Variants in PATZ1 observed in about 807,000 individuals in gnomAD.
The protein encoded by PATZ1 is POZ/BTB and AT hook containing zinc finger 1.
Under a neutral mutation model 46.2 loss-of-function variants are expected in PATZ1, and 9 were observed. The observed-to-expected ratio is 0.19, with a 90% confidence interval of 0.12 to 0.34. The LOEUF is 0.34. Ranked by LOEUF, PATZ1 falls within the 10% of genes least tolerant of loss-of-function variation. The pLI is 1.00. For missense variants in PATZ1, 632 were observed against 923.0 expected (o/e 0.68, Z 4.08); for synonymous variants, 426 against 378.6 (o/e 1.13, Z -1.45).
In PATZ1 at chr22:31,328,807, G is replaced by C; in HGVS notation, c.1625C>G (p.Ala542Gly). Residue 542 changes from alanine (A) to glycine (G), a missense_variant, in exon 4 of 5, where the codon GCC (alanine) becomes GGC (glycine). By Grantham distance (60) the Ala-to-Gly change is moderately conservative. Transcript: ENST00000266269. The surrounding 1 kb of genome is among the most constrained non-coding windows in gnomAD (Gnocchi z 4.8). The stretch of plus-strand genomic sequence containing the variant: ...CTTGCCTTTGTTGCCATAGGTCCTG[G>C]CGCAGTGGAACGCTGCTCCCCCATT... ...ILNGGAAFHC[A>G]RTYGNKEGQK... 1 of 1,613,430 alleles carries C rather than the reference G, an allele frequency of 6.2e-7. No individual in the cohort carries two copies. The highest frequency in any genetic ancestry group is 8.5e-7 in the Non-Finnish European group (1 of 1,179,828).
rs1295403404 is a variant in PATZ1, at chr22:31,326,193, G to T, written c.*698C>A. ...AATAACAATAATAATAATAATTAGA[G>T]AATTAAAACCCAACAGCATGTTGAA... On this transcript the variant is annotated 3_prime_UTR_variant, in exon 5 of 5. Transcript: ENST00000266269. 8.9e-6 allele frequency: 2 copies of T among 224,556 alleles called. No homozygotes were observed. The highest frequency in any genetic ancestry group is 6.4e-5 in the East Asian group (1 of 15,564). The allele number at this position is 224,556 out of a possible 1,614,324, so 13.9% of individuals were successfully genotyped here.
Position 31,326,921 on chromosome 22 carries a change from G to A in PATZ1, c.2034C>T (p.Asp678=), listed in dbSNP as rs778881735. The A allele has an allele frequency of 6.2e-7, 1 of 1,613,856 alleles. No individual in the cohort carries two copies. The highest frequency in any genetic ancestry group is 2.2e-5 in the East Asian group (1 of 44,862). ...TCCCTTCAGGCCCCATGGGCTGCTG[G>A]TCAACCTCAGGATCTACTAAAGATG... ...FASSLVDPEV[D]QQPMGPEGK is the part of the protein sequence containing the mutation. The change falls in exon 5 of 5, where the codon GAC becomes GAT. Residue 678 remains aspartate, a synonymous_variant. Coordinates refer to ENST00000266269, the MANE Select transcript of PATZ1 (RefSeq NM_014323.3).
chr22:31,341,768 C>A (rs149455862), intron 2 of PATZ1: 28 of 1,216,300 alleles, frequency 2.3e-5, no homozygotes, highest in Middle Eastern at 2.0e-4. Flanking sequence ...CTACTCTGCC[C>A]GGGCTAATCA....
At chr22:31,343,853 G>A (rs1458373731) in intron 1 of PATZ1, among the ~76,000 whole-genome samples, 1 of 152,208 alleles carries the variant, frequency 6.6e-6, no homozygotes, top group Non-Finnish European at 1.5e-5. Flanking sequence ...AGGCACAGCT[G>A]GAGTCTACTG....
intron 2 of PATZ1, 81 bp downstream of exon 2, chr22:31,342,809 CCGGCACA>C (rs2049599449): frequency 6.1e-6 from 9 of 1,467,410 alleles, no homozygotes; most frequent in Non-Finnish European, 8.5e-6. Flanking sequence ...AGCCGGGCCC[CCGGCACA>C]CGCAGCGGCT....
rs528001414 is a variant in PATZ1 at position 31,328,996 on chromosome 22, C to T, written c.1508-72G>A. ...CCTCTCTCCTTCCCCCAACTCCTCT[C>T]CTCTGGCCGCTCTGGCTAGCATTCC... is the stretch of plus-strand genomic sequence containing the variant. On this transcript the variant is annotated intron_variant, in intron 3 of 4. Coordinates refer to ENST00000266269, the MANE Select transcript of PATZ1 (RefSeq NM_014323.3). This position sits in a 1 kb window ranked among gnomAD's most constrained non-coding sequence, Gnocchi z 4.8. The T allele has an allele frequency of 4.0e-6, 6 of 1,481,642 alleles. No individual in the cohort carries two copies. The Admixed American group carries it at 1.1e-4, about 26-fold the overall frequency. The allele number at this position is 1,481,642 out of a possible 1,614,324, so 91.8% of individuals were successfully genotyped here.
rs754454364 is a variant in PATZ1 at position 31,345,273 on chromosome 22, G to A, written c.330C>T (p.Ser110=). The A allele has an allele frequency of 7.4e-6, 12 of 1,612,730 alleles. No individual in the cohort carries two copies. In the African/African-American group the frequency reaches 8.0e-5, roughly 11 times the overall value. ...GSRELEMHTI[S]SKVFGDILDF... ...CCAGAATGTCCCCAAATACCTTGGA[G>A]CTGATAGTGTGCATCTCCAGCTCCC... is the stretch of plus-strand genomic sequence containing the variant. Residue 110 remains serine, a synonymous_variant, in exon 1 of 5, where the codon AGC becomes AGT. Transcript: ENST00000266269. The surrounding 1 kb of genome is among the most constrained non-coding windows in gnomAD (Gnocchi z 7.4).
In PATZ1 at chr22:31,327,335, G is replaced by A; in HGVS notation, c.1646-26C>T. ...CTACGAAAAAACAAAATATAGGAGA[G>A]CGATGAGGCCAGGCTCTGGAGATGC... On this transcript the variant is annotated intron_variant, in intron 4 of 4. Transcript: ENST00000266269. This position sits in a 1 kb window ranked among gnomAD's most constrained non-coding sequence, Gnocchi z 4.2. The A allele has an allele frequency of 1.3e-6, 2 of 1,597,400 alleles. No homozygotes were observed. The highest frequency in any genetic ancestry group is 1.7e-6 in the Non-Finnish European group (2 of 1,169,622).
chr22:31,329,374 C>T (rs953970165), intron 3 of PATZ1, among the ~76,000 whole-genome samples: 1 of 152,152 alleles, frequency 6.6e-6, no homozygotes, highest in Non-Finnish European at 1.5e-5. Flanking sequence ...GCTTAATCCT[C>T]GTAAAAGGAA....
intron 2 of PATZ1, chr22:31,338,096 A>G (rs1025226698): frequency 3.9e-5 from 6 of 152,330 alleles, no homozygotes; most frequent in African/African-American, 1.4e-4. Flanking sequence ...GGAAACCTTC[A>G]GAAGGTGAAC....
chr22:31,342,014 C>T (rs375699122), intron 2 of PATZ1, among the ~76,000 whole-genome samples: 4 of 152,316 alleles, frequency 2.6e-5, no homozygotes, highest in East Asian at 3.9e-4. Flanking sequence ...TTGCCACCAA[C>T]AGGATAAGGA....
rs150800318 is a variant in PATZ1 at position 31,344,621 on chromosome 22, G to A, written c.982C>T (p.Pro328Ser). ...SLQLGYIDLP[P>S]PRLGENGLPI... is the part of the protein sequence containing the mutation. ...AGCCCATTCTCACCCAGCCTCGGAG[G>A]AGGAAGGTCGATGTAGCCCAGCTGG... Residue 328 changes from proline to serine, a missense_variant, in exon 1 of 5, where the codon CCT becomes TCT. Pro to Ser is a moderately conservative substitution (Grantham distance 74). This residue lies in a region of PATZ1 where 279 missense variants were observed against 284.3 expected (regional missense o/e 0.98). Coordinates refer to ENST00000266269, the MANE Select transcript of PATZ1 (RefSeq NM_014323.3). 31 of 1,614,010 alleles carry A rather than the reference G, an allele frequency of 1.9e-5. No homozygotes were observed. The highest frequency in any genetic ancestry group is 6.7e-5 in the African/African-American group (5 of 74,958).
At chr22:31,341,831 A>G in intron 2 of PATZ1, 1 of 723,774 alleles carries the variant, frequency 1.4e-6, no homozygotes, top group Non-Finnish European at 2.2e-6. Context: ...AGAGACAGAG[A>G]GAGAGAAGGC....
chr22:31,341,197 A>G (rs1206814728), intron 2 of PATZ1: 4 of 1,252,130 alleles, frequency 3.2e-6, no homozygotes, highest in Non-Finnish European at 4.0e-6. Flanking sequence ...CCCAGAAAGA[A>G]ACTTGGATGC....
chr22:31,332,133 C>G (rs950814707), intron 3 of PATZ1, among the ~76,000 whole-genome samples: 2 of 152,070 alleles, frequency 1.3e-5, no homozygotes, highest in African/African-American at 4.8e-5. Flanking sequence ...GAAAAACAGT[C>G]TTAGAAACAC....
rs140453738 is a variant in PATZ1, at chr22:31,335,354, C to T, written c.1507+338G>A. 661 of 227,042 alleles carry T rather than the reference C, an allele frequency of 2.9e-3. 1 individual carries two copies. Among genetic ancestry groups the T allele is most frequent in the African/African-American group, 0.013 (590 of 44,232 alleles). The allele number at this position is 227,042 out of a possible 1,614,324, so 14.1% of individuals were successfully genotyped here. Reference sequence around the variant, plus strand: ...CTCACTTTGGGACCTACTAACTCCCCCACCAACCTCAGTGGTTCAGTGGTG... The same window carrying T: ...CTCACTTTGGGACCTACTAACTCCCTCACCAACCTCAGTGGTTCAGTGGTG... On this transcript the variant is annotated intron_variant, in intron 3 of 4. Coordinates refer to ENST00000266269, the MANE Select transcript of PATZ1 (RefSeq NM_014323.3).
Position 31,326,865 on chromosome 22 carries a change from G to A in PATZ1, c.*26C>T. ...ATTTCCCAGCAGTCCCCAGATGGTT[G>A]TTTCCGTGGGGACACAGCAGCTGCC... On this transcript the variant is annotated 3_prime_UTR_variant, in exon 5 of 5. Transcript: ENST00000266269. 1.9e-6 allele frequency: 3 copies of A among 1,582,746 alleles called. No individual in the cohort carries two copies. Among genetic ancestry groups the A allele is most frequent in the Non-Finnish European group, 2.6e-6 (3 of 1,161,686 alleles).
rs768522850 is a variant in PATZ1, at chr22:31,344,715, T to C, written c.888A>G (p.Leu296=). Residue 296 remains leucine (L), a synonymous_variant, in exon 1 of 5, where the codon CTA becomes CTG. Transcript: ENST00000266269. Reference sequence around the variant, plus strand: ...TGGCATCAGTGAACACCTTACCACATAGACCGCATGGAAGGATGCCTGCCT... The same window carrying C: ...TGGCATCAGTGAACACCTTACCACACAGACCGCATGGAAGGATGCCTGCCT... ...LREAGILPCG[L]CGKVFTDANR... The C allele has an allele frequency of 1.2e-5, 19 of 1,612,736 alleles. No individual in the cohort carries two copies. Among genetic ancestry groups the C allele is most frequent in the East Asian group, 8.9e-5 (4 of 44,850 alleles).
At chr22:31,335,648 C>T (rs376863793) in intron 3 of PATZ1, 44 bp downstream of exon 3, 1 of 1,592,172 alleles carries the variant, frequency 6.3e-7, no homozygotes, top group Non-Finnish European at 8.6e-7. Flanking sequence ...CCCATACACG[C>T]TCAGGCCCAT....
Sources: allele counts gnomAD v4.1 joint callset (sites outside exome capture counted in the v4.1 genomes callset), GRCh38; gene constraint gnomAD v4.1.1; regional missense constraint gnomAD v4.1.1; non-coding constraint Gnocchi (gnomAD v3.1); transcripts MANE v1.5; gene names NCBI Gene and HGNC (gene_info 2026-07-23, HGNC 2026-07-21).